The following DLG2 variants were observed in gnomAD, a reference collection of about 807,000 sequenced individuals.
DLG2 encodes disks large homolog 2.
In DLG2, 45 loss-of-function variants were observed where a neutral mutation model predicts 132.5. The ratio of observed to expected loss-of-function variants is 0.34; its 90% CI spans 0.27 to 0.44. DLG2 has a LOEUF of 0.44. DLG2 is among the 20% of genes least tolerant of loss of function. The pLI, the probability that DLG2 is intolerant of heterozygous loss-of-function variation, is 1.00. For synonymous variants in DLG2, 424 were observed against 419.6 expected (o/e 1.01, Z -0.13); for missense variants, 1,045 against 1,196.9 (o/e 0.87, Z 1.87).
chr11:85,317,716 A>G (rs1185998192), intron 3 of DLG2, among the ~76,000 whole-genome samples: 2 of 151,982 alleles, frequency 1.3e-5, no homozygotes, highest in East Asian at 3.9e-4. Flanking sequence ...ATGAGAACAC[A>G]TGAACACATA....
intron 6 of DLG2, among the ~76,000 whole-genome samples, chr11:85,076,725 A>G (rs1281206480): frequency 1.3e-5 from 2 of 152,024 alleles, no homozygotes; most frequent in Non-Finnish European, 2.9e-5. Flanking sequence ...GAGAAGCAGT[A>G]AAGGCCTCAT....
At chr11:85,596,366 C>A (rs1165180041) in intron 3 of DLG2, among the ~76,000 whole-genome samples, 1 of 152,070 alleles carries the variant, frequency 6.6e-6, no homozygotes, top group East Asian at 1.9e-4. Context: ...CCAGCCTGAG[C>A]GACAGAGCGA....
At chr11:84,232,982 A>G (rs1276884382) in intron 8 of DLG2, among the ~76,000 whole-genome samples, 1 of 152,204 alleles carries the variant, frequency 6.6e-6, no homozygotes, top group Non-Finnish European at 1.5e-5. Context: ...CCTGAGCACA[A>G]GTCCAATTTG....
chr11:84,503,784 C>A (rs1473642595), intron 7 of DLG2, among the ~76,000 whole-genome samples: 2 of 152,234 alleles, frequency 1.3e-5, no homozygotes, highest in African/African-American at 2.4e-5. Context: ...AACTAGACCT[C>A]AGTGAAGAAA....
At chr11:83,515,846 T>C (rs1344431794) in intron 21 of DLG2, among the ~76,000 whole-genome samples, 1 of 152,248 alleles carries the variant, frequency 6.6e-6, no homozygotes, top group Non-Finnish European at 1.5e-5. Flanking sequence ...TGAGTGAGTT[T>C]CTTAATCCTG....
rs76980655 is a variant in DLG2 at position 84,775,926 on chromosome 11, G to T, written c.358-241195C>A. Among the ~76,000 whole-genome samples the T allele has an allele frequency of 7.3e-3, 1,113 of 152,270 alleles. 15 individuals carry two copies. The highest frequency in any genetic ancestry group is 0.024 in the African/African-American group (1,015 of 41,562). ...TTATTTTAAAAAGGAATTAGGAAAG[G>T]AGTGAGTCCATTTAAAACTTCTGTT... On this transcript the variant is annotated intron_variant, in intron 6 of 27. Transcript: ENST00000376104.
intron 7 of DLG2, among the ~76,000 whole-genome samples, chr11:84,251,625 CT>C (rs2097373630): frequency 7.0e-6 from 1 of 142,404 alleles, no homozygotes. Context: ...AGAGTTAAAA[CT>C]TGTATCTTTT....
At chr11:83,963,132 C>T in intron 13 of DLG2, 109 bp from the exon 14 acceptor site, 4 of 1,252,480 alleles carry the variant, frequency 3.2e-6, no homozygotes, top group Non-Finnish European at 4.5e-6. Context: ...TGCTGCATGC[C>T]AAGGTTTTTC....
At chr11:83,640,321 C>G (rs990165695) in intron 18 of DLG2, among the ~76,000 whole-genome samples, 1 of 152,132 alleles carries the variant, frequency 6.6e-6, no homozygotes, top group Admixed American at 6.5e-5. Flanking sequence ...TCCAATATGG[C>G]TGGGGTAAAT....
intron 8 of DLG2, among the ~76,000 whole-genome samples, chr11:84,182,945 G>A (rs35906479): frequency 0.065 from 9,855 of 152,120 alleles, 394 homozygotes; most frequent in African/African-American, 0.1. Flanking sequence ...AGGATAATAA[G>A]AGAATATACT....
intron 8 of DLG2, among the ~76,000 whole-genome samples, chr11:84,204,513 A>G (rs2096640183): frequency 6.6e-6 from 1 of 152,150 alleles, no homozygotes; most frequent in Non-Finnish European, 1.5e-5. Flanking sequence ...TTCCAAAAGA[A>G]GGCTGGAAAG....
intron 3 of DLG2, among the ~76,000 whole-genome samples, chr11:85,340,453 C>T (rs1374195251): frequency 6.6e-6 from 1 of 151,800 alleles, no homozygotes; most frequent in African/African-American, 2.4e-5. Context: ...ATCACTTGGA[C>T]ACAGGGCAGG....
chr11:84,207,098 T>C (rs1211199914), intron 8 of DLG2, among the ~76,000 whole-genome samples: 2 of 151,838 alleles, frequency 1.3e-5, no homozygotes, highest in African/African-American at 4.8e-5. Context: ...TATATATGTA[T>C]GTATATATGA....
chr11:83,586,933 T>G (rs117687156), intron 19 of DLG2, among the ~76,000 whole-genome samples: 2,388 of 152,328 alleles, frequency 0.016, 28 homozygotes, highest in Middle Eastern at 0.041. Context: ...AGCAGAGCAA[T>G]GGCCACAGAA....
chr11:84,819,510 CT>C (rs1342072967), intron 6 of DLG2, among the ~76,000 whole-genome samples: 4 of 151,752 alleles, frequency 2.6e-5, no homozygotes, highest in African/African-American at 9.7e-5. Context: ...CTTTTCATGC[CT>C]ATATGCCTGG....
intron 18 of DLG2, among the ~76,000 whole-genome samples, chr11:83,651,104 A>G (rs762103954): frequency 1.3e-5 from 2 of 152,080 alleles, no homozygotes; most frequent in Admixed American, 6.6e-5. Flanking sequence ...CTAAAACTCT[A>G]TGGAGGAAGA....
intron 6 of DLG2, among the ~76,000 whole-genome samples, chr11:84,952,704 G>A (rs2051123959): frequency 6.6e-6 from 1 of 151,948 alleles, no homozygotes; most frequent in Non-Finnish European, 1.5e-5. Flanking sequence ...TTTAAAAAAA[G>A]AATGTAATAT....
chr11:85,406,839 TAAG>T (rs532039762), intron 3 of DLG2, among the ~76,000 whole-genome samples: 140 of 151,818 alleles, frequency 9.2e-4, no homozygotes, highest in Admixed American at 5.5e-3. Context: ...AAGATGGTGC[TAAG>T]AACTATGAGG....
At position 84,293,627 on chromosome 11, in the gene DLG2, TCA is replaced by T. The variant is rs368112582; in HGVS notation, c.520-42338_520-42337del. Among the ~76,000 whole-genome samples the T allele has an allele frequency of 3.5e-3, 535 of 152,240 alleles. 3 individuals are homozygous for T. Among genetic ancestry groups the T allele is most frequent in the South Asian group, 0.013 (62 of 4,822 alleles). On this transcript the variant is annotated intron_variant, in intron 7 of 27. Coordinates refer to ENST00000376104, the MANE Select transcript of DLG2 (RefSeq NM_001142699.3). ...ATGCGGAGGTTGCAGTGAGCCAAGATCACAGGCCATTGCACTCCAGCCTTGGT... is the reference window on the plus strand; with the variant it reads ...ATGCGGAGGTTGCAGTGAGCCAAGATCAGGCCATTGCACTCCAGCCTTGGT...
Sources: allele counts gnomAD v4.1 joint callset (sites outside exome capture counted in the v4.1 genomes callset), GRCh38; gene constraint gnomAD v4.1.1; transcripts MANE v1.5; gene names NCBI Gene and HGNC (gene_info 2026-07-23, HGNC 2026-07-21).